The following LMNTD1 variants were observed in gnomAD, a reference collection of about 807,000 sequenced individuals.
LMNTD1 encodes the protein lamin tail domain-containing protein 1.
LMNTD1 carries 35 observed loss-of-function variants against 50.9 expected under a neutral mutation model. The ratio of observed to expected loss-of-function variants is 0.69; its 90% CI spans 0.53 to 0.91. The LOEUF (loss-of-function observed/expected upper bound fraction) is 0.91, where lower values mean the gene tolerates loss of function less well. Among genes scored for constraint, LMNTD1 ranks in the 40% least tolerant of loss-of-function variants. The pLI, the probability that LMNTD1 is intolerant of heterozygous loss-of-function variation, is 0.00. For synonymous variants in LMNTD1, 153 were observed against 161.9 expected (o/e 0.94, Z 0.42); for missense variants, 470 against 475.5 (o/e 0.99, Z 0.11).
chr12:25,481,478 A>ACAAC (rs1938442882), intron 9 of LMNTD1, among the ~76,000 whole-genome samples: 1 of 151,994 alleles, frequency 6.6e-6, no homozygotes, highest in Non-Finnish European at 1.5e-5. Context: ...GATTGTGTGT[A>ACAAC]CAACCACCAA....
At chr12:25,539,684 C>T (rs1942902410) in intron 4 of LMNTD1, among the ~76,000 whole-genome samples, 1 of 148,968 alleles carries the variant, frequency 6.7e-6, no homozygotes, top group Non-Finnish European at 1.5e-5. Flanking sequence ...CAAGAGCAAA[C>T]ACATTCAAAA....
At position 25,491,075 on chromosome 12, in the gene LMNTD1, G is replaced by A. The variant is rs146734916; in HGVS notation, c.*22+12663C>T. 1.7e-4 allele frequency among the ~76,000 whole-genome samples: 26 copies of A among 152,338 alleles called. No homozygotes were observed. In the East Asian group the frequency reaches 4.6e-3, roughly 27 times the overall value. On this transcript the variant is annotated intron_variant, in intron 9 of 9. Coordinates refer to ENST00000458174, the MANE Select transcript of LMNTD1 (RefSeq NM_001145728.2). ...AGCTCTAGCTGGCTACTGGTGTTGG[G>A]GCCCAGTGCCGCCTGAGGATGAAAT...
intron 1 of LMNTD1, among the ~76,000 whole-genome samples, chr12:25,565,149 A>G (rs1944502519): frequency 6.6e-6 from 1 of 151,648 alleles, no homozygotes; most frequent in South Asian, 2.1e-4. Flanking sequence ...CAGCCACTCT[A>G]TGTCTTTTGA....
intron 8 of LMNTD1, among the ~76,000 whole-genome samples, chr12:25,512,290 C>T (rs1940362005): frequency 6.6e-6 from 1 of 152,036 alleles, no homozygotes; most frequent in Non-Finnish European, 1.5e-5. Flanking sequence ...TTGCATTAAG[C>T]AGCAAAAAAC....
chr12:25,616,475 T>C (rs1356149992), intron 1 of LMNTD1, among the ~76,000 whole-genome samples: 1 of 152,178 alleles, frequency 6.6e-6, no homozygotes, highest in East Asian at 1.9e-4. Context: ...GTAACATTCT[T>C]GAAATGACAA....
chr12:25,527,859 A>C (rs886761236), intron 4 of LMNTD1, among the ~76,000 whole-genome samples: 6 of 150,968 alleles, frequency 4.0e-5, no homozygotes, highest in Non-Finnish European at 7.4e-5. Flanking sequence ...AAGCAAAAAA[A>C]TTTTTTTAAA....
At chr12:25,571,152 T>C (rs1402321800) in intron 1 of LMNTD1, among the ~76,000 whole-genome samples, 1 of 152,118 alleles carries the variant, frequency 6.6e-6, no homozygotes, top group Non-Finnish European at 1.5e-5. Context: ...TAGACCAGTT[T>C]TAAAATTGGC....
At chr12:25,510,574 C>T (rs537366559) in intron 8 of LMNTD1, among the ~76,000 whole-genome samples, 18 of 152,098 alleles carry the variant, frequency 1.2e-4, no homozygotes, top group Non-Finnish European at 2.1e-4. Flanking sequence ...CAAATTACAA[C>T]TCTACTAGAC....
At chr12:25,479,576 A>T (rs1938376870) in intron 9 of LMNTD1, among the ~76,000 whole-genome samples, 1 of 152,188 alleles carries the variant, frequency 6.6e-6, no homozygotes, top group Non-Finnish European at 1.5e-5. Context: ...GAATTCCATG[A>T]GCATGAGCCC....
intron 1 of LMNTD1, among the ~76,000 whole-genome samples, chr12:25,585,674 G>T (rs1945492356): frequency 1.3e-5 from 2 of 152,172 alleles, no homozygotes; most frequent in Admixed American, 1.3e-4. Flanking sequence ...ACGAAACTAG[G>T]TTTCCAACAG....
chr12:25,558,872 T>G, intron 1 of LMNTD1, among the ~76,000 whole-genome samples: 1 of 152,276 alleles, frequency 6.6e-6, no homozygotes, highest in East Asian at 1.9e-4. Context: ...TGGGGGTTAC[T>G]ACAATTCAAG....
chr12:25,622,468 C>CG lies in LMNTD1; in HGVS notation c.58+26025_58+26026insC, dbSNP rs1197842659. On this transcript the variant is annotated intron_variant, in intron 1 of 7. Transcript: ENST00000445693. ...CCTTGACCTTGAGTTTGTGAGCCCG[C>CG]CCCCCCCCGCAAAATAATATCAACA... is the stretch of plus-strand genomic sequence containing the variant. Among the ~76,000 whole-genome samples the CG allele has an allele frequency of 3.4e-4, 33 of 96,008 alleles. 2 individuals are homozygous for CG. Among genetic ancestry groups the CG allele is most frequent in the Admixed American group, 2.8e-3 (28 of 10,112 alleles). 63.0% of individuals were successfully genotyped at this position (96,008 alleles called of 152,430 possible).
chr12:25,567,312 T>A (rs922235399), intron 1 of LMNTD1, among the ~76,000 whole-genome samples: 1 of 152,360 alleles, frequency 6.6e-6, no homozygotes, highest in African/African-American at 2.4e-5. Context: ...TTGTACTGTT[T>A]GCTTCTGTTT....
Position 25,549,625 on chromosome 12 carries a change from T to A in LMNTD1, c.90-79A>T, listed in dbSNP as rs1943642432. The A allele has an allele frequency of 1.4e-5, 10 of 719,490 alleles. No homozygotes were observed. The South Asian group carries it at 2.7e-4, about 19-fold the overall frequency. 44.6% of individuals were successfully genotyped at this position (719,490 alleles called of 1,614,324 possible). The stretch of plus-strand genomic sequence containing the variant: ...TGAATAAAAGAAGCATGGGCTATTA[T>A]TATTACCCAGAATTCTGCTTTTCAA... On this transcript the variant is annotated intron_variant, in intron 2 of 9. Coordinates refer to ENST00000458174, the MANE Select transcript of LMNTD1 (RefSeq NM_001145728.2).
chr12:25,559,818 G>A (rs552356391), intron 1 of LMNTD1, among the ~76,000 whole-genome samples: 3 of 152,292 alleles, frequency 2.0e-5, no homozygotes, highest in African/African-American at 4.8e-5. Context: ...ATTTTTTCAC[G>A]TGTCTGTTCA....
intron 1 of LMNTD1, among the ~76,000 whole-genome samples, chr12:25,589,212 G>A (rs1212355322): frequency 6.6e-6 from 1 of 152,104 alleles, no homozygotes; most frequent in Admixed American, 6.5e-5. Flanking sequence ...AAATGTCTAT[G>A]TATATAACAG....
intron 9 of LMNTD1, among the ~76,000 whole-genome samples, chr12:25,478,770 G>C (rs976430010): frequency 2.0e-5 from 3 of 152,010 alleles, no homozygotes; most frequent in Middle Eastern, 3.2e-3. Flanking sequence ...TGGGCAACAA[G>C]AGCGAAACTC....
chr12:25,640,965 C>A (rs975043146), intron 1 of LMNTD1, among the ~76,000 whole-genome samples: 1 of 152,290 alleles, frequency 6.6e-6, no homozygotes, highest in African/African-American at 2.4e-5. Flanking sequence ...CCGTGCCCAG[C>A]CAGAAAAGTG....
intron 8 of LMNTD1, among the ~76,000 whole-genome samples, chr12:25,512,884 A>G (rs1486673440): frequency 6.6e-6 from 1 of 151,420 alleles, no homozygotes; most frequent in African/African-American, 2.4e-5. Context: ...CTTTAATGAA[A>G]CCTCTTCTCA....
Sources: allele counts gnomAD v4.1 joint callset (sites outside exome capture counted in the v4.1 genomes callset), GRCh38; gene constraint gnomAD v4.1.1; transcripts MANE v1.5; gene names NCBI Gene and HGNC (gene_info 2026-07-23, HGNC 2026-07-21).